Variants in SEMA3A observed in about 807,000 individuals in gnomAD.
SEMA3A encodes semaphorin 3A.
SEMA3A carries 29 observed loss-of-function variants against 97.9 expected under a neutral mutation model. That is an observed-to-expected ratio of 0.30 (90% CI 0.22 to 0.40). The LOEUF (loss-of-function observed/expected upper bound fraction) is 0.40. Ranked by LOEUF, SEMA3A falls within the 10% of genes least tolerant of loss-of-function variation. SEMA3A has a pLI of 1.00. For synonymous variants in SEMA3A, 321 were observed against 323.7 expected (o/e 0.99, Z 0.09); for missense variants, 763 against 951.3 (o/e 0.80, Z 2.60).
chr7:84,215,326 T>C (rs1404694411), intron 3 of SEMA3A, among the ~76,000 whole-genome samples: 1 of 151,186 alleles, frequency 6.6e-6, no homozygotes, highest in Admixed American at 6.6e-5. Context: ...GCTGGAATTA[T>C]AGGCACCTGC....
At chr7:84,134,608 C>T (rs983350214) in intron 2 of SEMA3A, among the ~76,000 whole-genome samples, 186 bp downstream of exon 2, 2 of 152,058 alleles carry the variant, frequency 1.3e-5, no homozygotes, top group African/African-American at 4.8e-5. Flanking sequence ...GTGGTTTCAT[C>T]CTTGATATTT....
intron 1 of SEMA3A, among the ~76,000 whole-genome samples, chr7:84,460,077 T>C (rs1805787906): frequency 6.6e-6 from 1 of 152,148 alleles, no homozygotes; most frequent in South Asian, 2.1e-4. Flanking sequence ...TACATGTAAC[T>C]TTTCAGAGAC....
chr7:84,030,013 T>C (rs1791685176), intron 6 of SEMA3A, among the ~76,000 whole-genome samples: 1 of 152,080 alleles, frequency 6.6e-6, no homozygotes, highest in Non-Finnish European at 1.5e-5. Flanking sequence ...AAGTGGAATA[T>C]AAATAAAAAC....
At chr7:84,247,603 G>A (rs1312309142) in intron 3 of SEMA3A, among the ~76,000 whole-genome samples, 1 of 152,112 alleles carries the variant, frequency 6.6e-6, no homozygotes, top group African/African-American at 2.4e-5. Context: ...GACTGGCCAG[G>A]CAGACAAAGG....
intron 1 of SEMA3A, among the ~76,000 whole-genome samples, chr7:84,476,415 A>G (rs1806282676): frequency 6.6e-6 from 1 of 151,988 alleles, no homozygotes; most frequent in Non-Finnish European, 1.5e-5. Flanking sequence ...GTTGTCGTCT[A>G]AATGTAGAGC....
At position 84,088,025 on chromosome 7, in the gene SEMA3A, T is replaced by C. The variant is rs571492030; in HGVS notation, c.453+22445A>G. 2.0e-5 allele frequency among the ~76,000 whole-genome samples: 3 copies of C among 152,312 alleles called. No individual in the cohort carries two copies. The East Asian group carries it at 5.8e-4, about 29-fold the overall frequency. On this transcript the variant is annotated intron_variant, in intron 4 of 16. Transcript: ENST00000265362. The stretch of plus-strand genomic sequence containing the variant: ...TTGTAGCACTTTGTAAGTAACTGTA[T>C]TATACCAGTCATTGCTCTATGTTAC...
intron 1 of SEMA3A, among the ~76,000 whole-genome samples, chr7:84,455,608 CAG>C (rs982147238): frequency 2.0e-5 from 3 of 151,822 alleles, no homozygotes; most frequent in African/African-American, 7.2e-5. Flanking sequence ...GACTTTTTTT[CAG>C]AGTGATAATT....
At chr7:84,036,439 T>C (rs1791942632) in intron 6 of SEMA3A, among the ~76,000 whole-genome samples, 1 of 152,146 alleles carries the variant, frequency 6.6e-6, no homozygotes, top group Non-Finnish European at 1.5e-5. Context: ...CTACCAAATG[T>C]AGTTCATACA....
At chr7:84,228,619 AC>A (rs1449766078) in intron 3 of SEMA3A, among the ~76,000 whole-genome samples, 1 of 152,104 alleles carries the variant, frequency 6.6e-6, no homozygotes, top group Non-Finnish European at 1.5e-5. Flanking sequence ...AAGAAAAAAA[AC>A]ATCAATTGAG....
intron 3 of SEMA3A, among the ~76,000 whole-genome samples, chr7:84,299,458 C>G (rs151137872): frequency 2.7e-5 from 4 of 150,712 alleles, no homozygotes; most frequent in African/African-American, 9.8e-5. Context: ...AGTAAAAAGA[C>G]GGATGCACTT....
intron 1 of SEMA3A, among the ~76,000 whole-genome samples, chr7:84,159,089 A>C (rs565493808): frequency 6.6e-6 from 1 of 151,918 alleles, no homozygotes; most frequent in African/African-American, 2.4e-5. Flanking sequence ...CATTATCATT[A>C]ACTCAGAAGG....
rs572993684 is a variant in SEMA3A, at chr7:84,309,634, G to A, written c.-168-2342C>T. The stretch of plus-strand genomic sequence containing the variant: ...TTGGTCTGTAGAACATATACCACGT[G>A]TGGGCTTCTTTCTGACATACACAGT... On this transcript the variant is annotated intron_variant, in intron 2 of 3. Coordinates refer to the SEMA3A transcript ENST00000424555. Among the ~76,000 whole-genome samples, 15 of 152,248 alleles carry A rather than the reference G, an allele frequency of 9.9e-5. No individual in the cohort carries two copies. The Middle Eastern group carries it at 0.017, about 173-fold the overall frequency.
chr7:84,401,978 C>G (rs1803916182), intron 1 of SEMA3A, among the ~76,000 whole-genome samples: 1 of 152,044 alleles, frequency 6.6e-6, no homozygotes, highest in Non-Finnish European at 1.5e-5. Flanking sequence ...CACATACAAT[C>G]AAAGCAAAAA....
intron 4 of SEMA3A, among the ~76,000 whole-genome samples, chr7:84,068,424 T>TAA (rs35381075): frequency 2.7e-5 from 3 of 111,448 alleles, no homozygotes; most frequent in Non-Finnish European, 3.9e-5. Flanking sequence ...AAAGTATAAT[T>TAA]AAAAAAAAAA....
In SEMA3A at chr7:84,124,217, C is replaced by A. The variant is rs148544279; in HGVS notation, c.333+4906G>T. On this transcript the variant is annotated intron_variant, in intron 3 of 16. Transcript: ENST00000265362. ...CTTGACCCCTCTTTTCCTATTGTAG[C>A]CTTCTATCTGAATCTGATGCTGCAG... is the stretch of plus-strand genomic sequence containing the variant. 6.6e-3 allele frequency among the ~76,000 whole-genome samples: 1,001 copies of A among 152,270 alleles called. 6 individuals carry two copies. The highest frequency in any genetic ancestry group is 0.023 in the African/African-American group (937 of 41,562).
In SEMA3A at chr7:84,060,536, T is replaced by C. The variant is rs146909536; in HGVS notation, c.476A>G (p.Asn159Ser). The C allele has an allele frequency of 1.3e-5, 20 of 1,593,586 alleles. No individual in the cohort carries two copies. In the African/African-American group the frequency reaches 2.6e-4, roughly 21 times the overall value. ...CCCACGGCCGTTTTCAAAATGTGAG[T>C]TCTCCAGCTTAAAAATATTGTCCTG... ...HPEDNIFKLE[N>S]SHFENGRGKS... Residue 159 changes from asparagine to serine, a missense_variant, in exon 5 of 17, where the codon AAC becomes AGC. Coordinates refer to ENST00000265362, the MANE Select transcript of SEMA3A (RefSeq NM_006080.3).
chr7:84,309,097 C>T (rs564428941), intron 2 of SEMA3A, among the ~76,000 whole-genome samples: 2 of 152,016 alleles, frequency 1.3e-5, no homozygotes, highest in African/African-American at 4.8e-5. Context: ...GGATTACAGG[C>T]GTGAGCTACC....
At chr7:84,217,877 A>C (rs1177866574) in intron 3 of SEMA3A, among the ~76,000 whole-genome samples, 1 of 152,052 alleles carries the variant, frequency 6.6e-6, no homozygotes, top group Non-Finnish European at 1.5e-5. Flanking sequence ...AGCAGTTTAA[A>C]ATCAGCTTGG....
At chr7:84,190,380 C>T (rs998518091) in intron 1 of SEMA3A, among the ~76,000 whole-genome samples, 5 of 151,528 alleles carry the variant, frequency 3.3e-5, no homozygotes, top group Admixed American at 1.3e-4. Flanking sequence ...ATTTCAGCAT[C>T]AAAACATGAT....
Sources: allele counts gnomAD v4.1 joint callset (sites outside exome capture counted in the v4.1 genomes callset), GRCh38; gene constraint gnomAD v4.1.1; transcripts MANE v1.5; gene names NCBI Gene and HGNC (gene_info 2026-07-23, HGNC 2026-07-21).